Variants in STX18 observed in about 807,000 individuals in gnomAD.
The protein encoded by STX18 is syntaxin 18, also known as syntaxin-18.
Under a neutral mutation model 50.1 loss-of-function variants are expected in STX18, and 40 were observed. The ratio of observed to expected loss-of-function variants is 0.80; its 90% CI spans 0.62 to 1.04. The LOEUF (loss-of-function observed/expected upper bound fraction) is 1.04. STX18 is among the 50% of genes least tolerant of loss of function. STX18 has a pLI of 0.00. For missense variants in STX18, 410 were observed against 415.8 expected (o/e 0.99, Z 0.12); for synonymous variants, 158 against 151.8 (o/e 1.04, Z -0.30).
At position 4,420,700 on chromosome 4, in the gene STX18, G is replaced by C; in HGVS notation, c.912+164C>G. The C allele has an allele frequency of 3.2e-6, 2 of 634,826 alleles. No homozygotes were observed. The allele number at this position is 634,826 out of a possible 1,614,324, so 39.3% of individuals were successfully genotyped here. A position where few individuals can be genotyped will look rare whatever the true frequency, so the allele number is the denominator to read the frequency against. On this transcript the variant is annotated intron_variant, in intron 10 of 10. Coordinates refer to ENST00000306200, the MANE Select transcript of STX18 (RefSeq NM_016930.4). The surrounding 1 kb of genome is among the most constrained non-coding windows in gnomAD (Gnocchi z 4.3). ...CAGCTGGAGGTGGGCGACAGGTGGTGGGTCTCATGAACACACGCAGCTCCG... is the reference window on the plus strand; with the variant it reads ...CAGCTGGAGGTGGGCGACAGGTGGTCGGTCTCATGAACACACGCAGCTCCG...
chr4:4,527,522 T>A (rs879442681), intron 1 of STX18, among the ~76,000 whole-genome samples: 1 of 152,032 alleles, frequency 6.6e-6, no homozygotes, highest in African/African-American at 2.4e-5. Flanking sequence ...ATTGACAGAA[T>A]AAAAACACAC....
intron 1 of STX18, among the ~76,000 whole-genome samples, chr4:4,506,030 T>C (rs1000970933): frequency 6.6e-6 from 1 of 152,234 alleles, no homozygotes; most frequent in African/African-American, 2.4e-5. Flanking sequence ...TAATATTCCA[T>C]TGTATGGATA....
chr4:4,442,548 T>G (rs893739347), intron 5 of STX18, among the ~76,000 whole-genome samples: 2 of 151,352 alleles, frequency 1.3e-5, no homozygotes, highest in Non-Finnish European at 1.5e-5. Context: ...GCCTGGGAGG[T>G]GGAGGTTTGC....
intron 1 of STX18, 40 bp downstream of exon 1, chr4:4,541,757 C>T: frequency 6.3e-7 from 1 of 1,577,566 alleles, no homozygotes; most frequent in Non-Finnish European, 8.6e-7. Flanking sequence ...CGCAGGACTG[C>T]CCCCTCCTCA....
At chr4:4,522,250 C>A (rs1730539188) in intron 1 of STX18, among the ~76,000 whole-genome samples, 1 of 152,144 alleles carries the variant, frequency 6.6e-6, no homozygotes, top group Non-Finnish European at 1.5e-5. Flanking sequence ...AATGAACACA[C>A]ACGACGTCTG....
intron 1 of STX18, among the ~76,000 whole-genome samples, chr4:4,537,120 C>A (rs1017434522): frequency 6.6e-6 from 1 of 152,134 alleles, no homozygotes; most frequent in African/African-American, 2.4e-5. Context: ...TGTGGTAGCC[C>A]CCCCTGGCTC....
chr4:4,423,706 C>T, intron 8 of STX18, 119 bp from the exon 9 acceptor site: 2 of 973,366 alleles, frequency 2.1e-6, no homozygotes, highest in East Asian at 2.6e-5. Flanking sequence ...AGGGGGCACA[C>T]TGTGTCGGCT....
At position 4,519,300 on chromosome 4, in the gene STX18, T is replaced by C. The variant is rs563379129; in HGVS notation, c.168+22497A>G. On this transcript the variant is annotated intron_variant, in intron 1 of 10. Coordinates refer to ENST00000306200, the MANE Select transcript of STX18 (RefSeq NM_016930.4). ...AATCTAGGACTGAAGTTTTTATATG[T>C]AGTTCATCTATTTTTAATAAGAGAT... Among the ~76,000 whole-genome samples the C allele has an allele frequency of 2.0e-5, 3 of 152,318 alleles. No individual in the cohort carries two copies. The South Asian group carries it at 6.2e-4, about 32-fold the overall frequency.
At chr4:4,482,787 G>T (rs73086293) in intron 1 of STX18, among the ~76,000 whole-genome samples, 287 of 152,242 alleles carry the variant, frequency 1.9e-3, no homozygotes, top group African/African-American at 6.7e-3. Flanking sequence ...AGTATTCTGG[G>T]TTCACTTTCC....
intron 1 of STX18, among the ~76,000 whole-genome samples, chr4:4,474,119 T>C (rs532993639): frequency 6.6e-6 from 1 of 152,252 alleles, no homozygotes; most frequent in African/African-American, 2.4e-5. Context: ...AGGCAAATTC[T>C]TCCTCCTCAT....
chr4:4,455,915 T>C (rs1032759439), intron 5 of STX18, among the ~76,000 whole-genome samples: 3 of 152,106 alleles, frequency 2.0e-5, no homozygotes, highest in African/African-American at 4.8e-5. Flanking sequence ...CAGGACTGTA[T>C]GTTGAGTCCC....
chr4:4,425,177 A>T lies in STX18; in HGVS notation c.748T>A (p.Phe250Ile), dbSNP rs920539386. Reference sequence around the variant, plus strand: ...CTACAAACATACCTCACTTCATCAAACAAGCTGTTCATTTCACCAATTAGT... The same window carrying T: ...CTACAAACATACCTCACTTCATCAATCAAGCTGTTCATTTCACCAATTAGT... ...QRLIGEMNSL[F>I]DEVRQIEGRV... The change falls in exon 8 of 11, where the codon TTT (phenylalanine) becomes ATT (isoleucine). Residue 250 changes from phenylalanine to isoleucine, a missense_variant. Coordinates refer to ENST00000306200, the MANE Select transcript of STX18 (RefSeq NM_016930.4). The T allele has an allele frequency of 6.2e-7, 1 of 1,614,030 alleles. No homozygotes were observed. Among genetic ancestry groups the T allele is most frequent in the Admixed American group, 1.7e-5 (1 of 60,000 alleles).
At chr4:4,481,210 T>G (rs1235081818) in intron 1 of STX18, among the ~76,000 whole-genome samples, 1 of 151,066 alleles carries the variant, frequency 6.6e-6, no homozygotes, top group Non-Finnish European at 1.5e-5. Flanking sequence ...GTGGGGAGAG[T>G]TCAAAGCAGT....
chr4:4,505,507 T>C (rs960399291), intron 1 of STX18, among the ~76,000 whole-genome samples: 1 of 151,898 alleles, frequency 6.6e-6, no homozygotes, highest in Non-Finnish European at 1.5e-5. Flanking sequence ...GGGATGGGTG[T>C]GGTGGCTCAC....
At chr4:4,505,902 T>C (rs2108884842) in intron 1 of STX18, among the ~76,000 whole-genome samples, 1 of 152,370 alleles carries the variant, frequency 6.6e-6, no homozygotes, top group East Asian at 1.9e-4. Flanking sequence ...GGAGACCATG[T>C]GTAAATGGAC....
Position 4,472,940 on chromosome 4 carries a change from GCAAA to G in STX18, c.169-1238_169-1235del, listed in dbSNP as rs552043416. Reference sequence around the variant, plus strand: ...AGAAAAACACCCTAAGGCATTGTAAGCAAACAAATCAAAGAAAAAGAATTAAGTA... The same window carrying G: ...AGAAAAACACCCTAAGGCATTGTAAGCAAATCAAAGAAAAAGAATTAAGTA... On this transcript the variant is annotated intron_variant, in intron 1 of 10. Coordinates refer to ENST00000306200, the MANE Select transcript of STX18 (RefSeq NM_016930.4). 3.6e-3 allele frequency among the ~76,000 whole-genome samples: 545 copies of G among 152,242 alleles called. 3 individuals carry two copies. Among genetic ancestry groups the G allele is most frequent in the African/African-American group, 0.013 (529 of 41,546 alleles).
chr4:4,443,502 A>C (rs1726229229), intron 5 of STX18, among the ~76,000 whole-genome samples: 1 of 152,266 alleles, frequency 6.6e-6, no homozygotes, highest in African/African-American at 2.4e-5. Context: ...GTAAGGACCC[A>C]GTAGATCTGA....
chr4:4,499,215 G>A (rs894210682), intron 1 of STX18, among the ~76,000 whole-genome samples: 5 of 152,094 alleles, frequency 3.3e-5, no homozygotes, highest in African/African-American at 4.8e-5. Flanking sequence ...ACTCTAAACC[G>A]TACCTTGTGG....
At chr4:4,477,122 A>G (rs890328468) in intron 1 of STX18, among the ~76,000 whole-genome samples, 1 of 152,180 alleles carries the variant, frequency 6.6e-6, no homozygotes, top group African/African-American at 2.4e-5. Flanking sequence ...ACATGCCTGT[A>G]ATCCCAGCTA....
Sources: gnomAD v4.1 joint callset for allele counts (sites outside exome capture counted in the v4.1 genomes callset) on GRCh38, gnomAD v4.1.1 for gene constraint, Gnocchi (gnomAD v3.1) non-coding constraint, MANE v1.5 for transcripts, NCBI Gene and HGNC (gene_info 2026-07-23, HGNC 2026-07-21) for gene names.